Variants in FRMPD4 observed in about 807,000 individuals in gnomAD.
The protein encoded by FRMPD4 is FERM and PDZ domain containing 4, also known as FERM and PDZ domain-containing protein 4.
A neutral mutation model predicts 94.1 loss-of-function variants in FRMPD4; 22 were observed. The ratio of observed to expected loss-of-function variants is 0.23; its 90% CI spans 0.17 to 0.33. The LOEUF is 0.33. Among genes scored for constraint, FRMPD4 ranks in the 10% least tolerant of loss-of-function variants. The pLI is 1.00. For synonymous variants in FRMPD4, 631 were observed against 548.6 expected (o/e 1.15, Z -2.10); for missense variants, 1,111 against 1,339.9 (o/e 0.83, Z 2.67).
chrX:12,704,898 C>A (rs2041848007), intron 11 of FRMPD4, among the ~76,000 whole-genome samples: 1 of 112,340 alleles, frequency 8.9e-6, no homozygotes, highest in Non-Finnish European at 1.9e-5. Context: ...TTAATTAAAC[C>A]AGGGATCCTC....
At chrX:12,498,320 GA>G (rs2057874667) in intron 1 of FRMPD4, among the ~76,000 whole-genome samples, 1 of 111,669 alleles carries the variant, frequency 9.0e-6, no homozygotes, top group Admixed American at 9.5e-5. Context: ...GTCCTGGGCT[GA>G]GGAGGCTTAG....
rs186268923 is a variant in FRMPD4, at chrX:11,893,631, G to A, written c.95+15613G>A. 1.7e-3 allele frequency among the ~76,000 whole-genome samples: 195 copies of A among 111,918 alleles called. 2 individuals carry two copies. The highest frequency in any genetic ancestry group is 3.4e-3 in the Non-Finnish European group (179 of 53,120). On this transcript the variant is annotated intron_variant, in intron 3 of 18. Transcript: ENST00000640291. ...AATCTTTGGCTAACTAAACTTTTATGGCTTTAATAAGGGCAATAATCACAA... is the reference window on the plus strand; with the variant it reads ...AATCTTTGGCTAACTAAACTTTTATAGCTTTAATAAGGGCAATAATCACAA...
intron 2 of FRMPD4, among the ~76,000 whole-genome samples, chrX:12,561,902 G>A (rs1169488580): frequency 8.9e-6 from 1 of 112,324 alleles, no homozygotes; most frequent in East Asian, 2.8e-4. Context: ...TTAGATGTTA[G>A]GCAGCAATTA....
At chrX:12,191,476 C>T (rs1435201213) in intron 1 of FRMPD4, among the ~76,000 whole-genome samples, 1 of 111,982 alleles carries the variant, frequency 8.9e-6, no homozygotes, top group African/African-American at 3.2e-5. Context: ...TTATAATTGC[C>T]AAAACTTGGA....
At chrX:12,282,891 A>G (rs1053869185) in intron 1 of FRMPD4, among the ~76,000 whole-genome samples, 21 of 111,140 alleles carry the variant, frequency 1.9e-4, no homozygotes, top group African/African-American at 6.4e-4. Flanking sequence ...GTCAATGTCT[A>G]TACCTGCACT....
intron 1 of FRMPD4, among the ~76,000 whole-genome samples, chrX:12,429,677 GA>G (rs911158958): frequency 8.9e-6 from 1 of 112,118 alleles, no homozygotes; most frequent in African/African-American, 3.2e-5. Context: ...CTGCCATTTT[GA>G]AAGCGTGACT....
chrX:12,419,116 C>T (rs1017638020), intron 1 of FRMPD4, among the ~76,000 whole-genome samples: 1 of 111,877 alleles, frequency 8.9e-6, no homozygotes, highest in Admixed American at 9.4e-5. Context: ...TATCATGATA[C>T]TATCTTGCAG....
chrX:12,709,865 C>T (rs995477911), intron 13 of FRMPD4, among the ~76,000 whole-genome samples: 2 of 111,364 alleles, frequency 1.8e-5, no homozygotes, highest in African/African-American at 6.5e-5. Context: ...CGGTGGCTCA[C>T]ACCAGCAATC....
intron 1 of FRMPD4, among the ~76,000 whole-genome samples, chrX:12,257,271 A>G (rs1184799083): frequency 1.8e-5 from 2 of 111,647 alleles, no homozygotes; most frequent in East Asian, 2.8e-4. Flanking sequence ...GATTGAAAAC[A>G]TTATCTTAGG....
At chrX:12,101,878 C>T (rs1388937736) in intron 3 of FRMPD4, among the ~76,000 whole-genome samples, 1 of 111,915 alleles carries the variant, frequency 8.9e-6, no homozygotes, top group African/African-American at 3.2e-5. Context: ...GTTTACACAT[C>T]TACTTATCTA....
intron 2 of FRMPD4, among the ~76,000 whole-genome samples, chrX:12,563,795 T>C (rs1183908911): frequency 6.2e-5 from 7 of 112,459 alleles, no homozygotes. Context: ...CATGTCCTTA[T>C]AATTGGGTTG....
At chrX:12,472,103 T>TATTGTATAG (rs1164391974) in intron 1 of FRMPD4, among the ~76,000 whole-genome samples, 5 of 112,119 alleles carry the variant, frequency 4.5e-5, no homozygotes, top group Non-Finnish European at 9.4e-5. Context: ...AAGACCCCTA[T>TATTGTATAG]ATTGTATAGA....
chrX:12,298,882 C>A (rs2054814165), intron 1 of FRMPD4, among the ~76,000 whole-genome samples: 1 of 111,941 alleles, frequency 8.9e-6, no homozygotes, highest in African/African-American at 3.2e-5. Context: ...TCTGGGTGAC[C>A]ATCAACTCAA....
At chrX:12,201,485 G>T (rs2056630267) in intron 1 of FRMPD4, among the ~76,000 whole-genome samples, 1 of 111,856 alleles carries the variant, frequency 8.9e-6, no homozygotes, top group Non-Finnish European at 1.9e-5. Context: ...TATTTCTGGT[G>T]GGTCCTCCAA....
intron 2 of FRMPD4, among the ~76,000 whole-genome samples, chrX:12,566,515 T>C (rs1164823748): frequency 2.7e-5 from 3 of 111,824 alleles, no homozygotes; most frequent in Non-Finnish European, 3.8e-5. Context: ...ACAATATAAA[T>C]AGGATTTTCT....
intron 2 of FRMPD4, among the ~76,000 whole-genome samples, chrX:12,538,570 C>T (rs1396204197): frequency 1.8e-5 from 2 of 111,824 alleles, no homozygotes; most frequent in African/African-American, 3.3e-5. Flanking sequence ...CTGGGAGGCA[C>T]CCCCCAGTAG....
chrX:12,552,153 T>G (rs1383168058), intron 2 of FRMPD4, among the ~76,000 whole-genome samples: 1 of 111,939 alleles, frequency 8.9e-6, no homozygotes, highest in Non-Finnish European at 1.9e-5. Context: ...GATCAGTCAT[T>G]TCTCCAAGAA....
At chrX:12,128,208 G>T (rs1354116752) in intron 3 of FRMPD4, among the ~76,000 whole-genome samples, 1 of 113,284 alleles carries the variant, frequency 8.8e-6, no homozygotes, top group African/African-American at 3.2e-5. Context: ...CGCCCATGCA[G>T]CAAACTTCTG....
intron 1 of FRMPD4, among the ~76,000 whole-genome samples, chrX:12,230,977 T>TATATAGTATATATA (rs1324952486): frequency 2.1e-5 from 1 of 48,630 alleles, no homozygotes; most frequent in Non-Finnish European, 3.8e-5. Context: ...TATATAGTAA[T>TATATAGTATATATA]ATATATAGTA....
Sources: gnomAD v4.1 joint callset for allele counts (sites outside exome capture counted in the v4.1 genomes callset) on GRCh38, gnomAD v4.1.1 for gene constraint, MANE v1.5 for transcripts, NCBI Gene and HGNC (gene_info 2026-07-23, HGNC 2026-07-21) for gene names.